The following SLC7A11 variants were observed in gnomAD, a reference collection of about 807,000 sequenced individuals.
SLC7A11 encodes solute carrier family 7 member 11.
Under a neutral mutation model 54.5 loss-of-function variants are expected in SLC7A11, and 35 were observed. The ratio of observed to expected loss-of-function variants is 0.64; its 90% CI spans 0.49 to 0.85. The LOEUF is 0.85. Ranked by LOEUF, SLC7A11 falls within the 40% of genes least tolerant of loss-of-function variation. SLC7A11 has a pLI of 0.00. For synonymous variants in SLC7A11, 230 were observed against 225.2 expected (o/e 1.02, Z -0.19); for missense variants, 583 against 618.1 (o/e 0.94, Z 0.60).
At chr4:138,234,864 C>T (rs530738393) in intron 2 of SLC7A11, among the ~76,000 whole-genome samples, 1 of 152,268 alleles carries the variant, frequency 6.6e-6, no homozygotes, top group South Asian at 2.1e-4. Context: ...CCTGACAGGC[C>T]AGCAGTCAAT....
intron 3 of SLC7A11, among the ~76,000 whole-genome samples, chr4:138,228,911 A>G (rs187917129): frequency 1.3e-5 from 2 of 152,116 alleles, no homozygotes; most frequent in Non-Finnish European, 2.9e-5. Flanking sequence ...ATAAGCAAAA[A>G]CTTTTTTATC....
chr4:138,186,793 G>A (rs562943042), intron 6 of SLC7A11, among the ~76,000 whole-genome samples: 41 of 152,232 alleles, frequency 2.7e-4, no homozygotes, highest in Non-Finnish European at 5.3e-4. Context: ...ATGCAAAAGG[G>A]TAAGAAGGAG....
At chr4:138,214,735 C>G in intron 5 of SLC7A11, 106 bp from the exon 6 acceptor site, 2 of 377,306 alleles carry the variant, frequency 5.3e-6, no homozygotes, top group East Asian at 4.9e-5. Flanking sequence ...AAAACTATAA[C>G]AATACTTATA....
intron 6 of SLC7A11, among the ~76,000 whole-genome samples, chr4:138,205,035 A>G (rs1310381760): frequency 6.6e-6 from 1 of 152,042 alleles, no homozygotes; most frequent in Non-Finnish European, 1.5e-5. Flanking sequence ...GTGTTTGTAT[A>G]TTACTTGCAG....
At chr4:138,219,954 T>TTTTC (rs1484666918) in intron 4 of SLC7A11, among the ~76,000 whole-genome samples, 3 of 151,482 alleles carry the variant, frequency 2.0e-5, no homozygotes, top group Non-Finnish European at 4.4e-5. Flanking sequence ...TTTTTATTTT[T>TTTTC]TTCAAGATGG....
At position 138,170,955 on chromosome 4, in the gene SLC7A11, A is replaced by G. The variant is rs1476577320; in HGVS notation, c.*1001T>C. 6.6e-6 allele frequency: 1 copy of G among 152,208 alleles called. No homozygotes were observed. Among genetic ancestry groups the G allele is most frequent in the Non-Finnish European group, 1.5e-5 (1 of 68,030 alleles). 9.4% of individuals were successfully genotyped at this position (152,208 alleles called of 1,614,324 possible). ...TGTCAAAATTCATCATCGTGTAAAA[A>G]TAGCCATAAATTTAAAAAACTTCAG... On this transcript the variant is annotated 3_prime_UTR_variant, in exon 12 of 12. Transcript: ENST00000280612.
chr4:138,232,439 TA>T (rs1738102664), intron 2 of SLC7A11, 57 bp from the exon 3 acceptor site: 3 of 905,408 alleles, frequency 3.3e-6, no homozygotes, highest in Non-Finnish European at 5.3e-6. Context: ...GCATTTTCAT[TA>T]ATTTTTTCTA....
intron 2 of SLC7A11, among the ~76,000 whole-genome samples, chr4:138,235,851 T>C (rs932182593): frequency 1.3e-5 from 2 of 152,226 alleles, no homozygotes; most frequent in African/African-American, 4.8e-5. Flanking sequence ...GCAAACTCTG[T>C]TTTTTATGAA....
intron 6 of SLC7A11, among the ~76,000 whole-genome samples, chr4:138,195,121 T>A (rs887432177): frequency 3.9e-5 from 6 of 152,176 alleles, no homozygotes; most frequent in East Asian, 3.9e-4. Flanking sequence ...TCAGCCTGGC[T>A]GAAAAATAAT....
chr4:138,178,260 G>C (rs535946264), intron 11 of SLC7A11: 3 of 152,256 alleles, frequency 2.0e-5, no homozygotes, highest in Admixed American at 2.0e-4. Flanking sequence ...GTGTTAGTTT[G>C]CTGAGAATAA....
intron 6 of SLC7A11, among the ~76,000 whole-genome samples, chr4:138,197,644 C>T (rs1361611654): frequency 6.6e-6 from 1 of 151,896 alleles, no homozygotes; most frequent in Non-Finnish European, 1.5e-5. Flanking sequence ...AATTTAAAAG[C>T]ACTATACAGA....
intron 11 of SLC7A11, chr4:138,175,518 G>A (rs796601841): frequency 1.2e-4 from 19 of 152,102 alleles, no homozygotes; most frequent in African/African-American, 2.7e-4. Flanking sequence ...CTTTTTCCTC[G>A]CGTGAGAAGC....
chr4:138,221,553 T>G (rs943965379), intron 4 of SLC7A11, among the ~76,000 whole-genome samples: 2 of 152,164 alleles, frequency 1.3e-5, no homozygotes, highest in Non-Finnish European at 2.9e-5. Context: ...TCTCAGGGAA[T>G]TTCTCTGTTG....
intron 3 of SLC7A11, 73 bp downstream of exon 3, chr4:138,232,194 G>C (rs1361198288): frequency 9.6e-7 from 1 of 1,041,094 alleles, no homozygotes; most frequent in East Asian, 2.4e-5. Flanking sequence ...AATGCAAAAA[G>C]TCTAAAGACA....
rs1004112554 is a variant in SLC7A11, at chr4:138,236,468, A to T, written c.278-17T>A. 1 of 1,596,946 alleles carries T rather than the reference A, an allele frequency of 6.3e-7. No homozygotes were observed. Reference sequence around the variant, plus strand: ...ACAAAGCTCCTGTGAAATATTTGTCACAAAATGGTACCAATTTAATACATT... The same window carrying T: ...ACAAAGCTCCTGTGAAATATTTGTCTCAAAATGGTACCAATTTAATACATT... On this transcript the variant is annotated splice_polypyrimidine_tract_variant and intron_variant, in intron 1 of 11. Coordinates refer to ENST00000280612, the MANE Select transcript of SLC7A11 (RefSeq NM_014331.4).
chr4:138,182,268 A>G (rs1384621852), intron 9 of SLC7A11, 29 bp downstream of exon 9: 2 of 1,348,976 alleles, frequency 1.5e-6, no homozygotes, highest in Non-Finnish European at 2.1e-6. Flanking sequence ...TCAAGGTTAT[A>G]TCTAGATATA....
intron 3 of SLC7A11, among the ~76,000 whole-genome samples, chr4:138,224,771 G>GAAAGAAGGAAGGAAGGAAGAAGGA: frequency 3.3e-5 from 5 of 149,404 alleles, no homozygotes; most frequent in African/African-American, 9.8e-5. Context: ...GGAATGGATG[G>GAAAGAAGGAAGGAAGGAAGAAGGA]AAAGAAGGAA....
At chr4:138,190,552 A>G (rs1736985643) in intron 6 of SLC7A11, among the ~76,000 whole-genome samples, 1 of 151,998 alleles carries the variant, frequency 6.6e-6, no homozygotes, top group Non-Finnish European at 1.5e-5. Flanking sequence ...TTTTCAACCC[A>G]CCAATTTACT....
chr4:138,178,385 A>T (rs1200837281), intron 11 of SLC7A11, among the ~76,000 whole-genome samples: 1 of 152,008 alleles, frequency 6.6e-6, no homozygotes, highest in Non-Finnish European at 1.5e-5. Flanking sequence ...TCTATCATTG[A>T]TGGGCATTTG....
Sources: gnomAD v4.1 joint callset for allele counts (sites outside exome capture counted in the v4.1 genomes callset) on GRCh38, gnomAD v4.1.1 for gene constraint, MANE v1.5 for transcripts, NCBI Gene and HGNC (gene_info 2026-07-23, HGNC 2026-07-21) for gene names.